Variants in VEZT observed in about 807,000 individuals in gnomAD.
VEZT encodes vezatin, adherens junctions transmembrane protein.
In VEZT, 39 loss-of-function variants were observed where a neutral mutation model predicts 79.9. That is an observed-to-expected ratio of 0.49 (90% confidence interval 0.38 to 0.64). The LOEUF is 0.64. Ranked by LOEUF, VEZT falls within the 30% of genes least tolerant of loss-of-function variation. VEZT has a pLI of 0.00. For synonymous variants in VEZT, 325 were observed against 327.6 expected (o/e 0.99, Z 0.09); for missense variants, 837 against 893.1 (o/e 0.94, Z 0.80).
intron 7 of VEZT, among the ~76,000 whole-genome samples, chr12:95,278,306 T>C (rs1484659126): frequency 6.6e-6 from 1 of 152,240 alleles, no homozygotes; most frequent in Non-Finnish European, 1.5e-5. Flanking sequence ...TATAGCTAGA[T>C]TCCTTTTGCT....
At chr12:95,220,813 T>G (rs1444124778) in intron 1 of VEZT, among the ~76,000 whole-genome samples, 1 of 152,244 alleles carries the variant, frequency 6.6e-6, no homozygotes, top group African/African-American at 2.4e-5. Flanking sequence ...GTGAACCTTT[T>G]TGTATGTGTT....
intron 9 of VEZT, among the ~76,000 whole-genome samples, chr12:95,290,090 C>CCA (rs1334039664): frequency 6.6e-6 from 1 of 152,052 alleles, no homozygotes; most frequent in African/African-American, 2.4e-5. Context: ...TCCACAGAAC[C>CCA]CATTCAAATT....
Position 95,274,762 on chromosome 12 carries a change from G to A in VEZT, c.869G>A (p.Ser290Asn), listed in dbSNP as rs1337214463. ...MLKNYPLNSESDNVTNYICVV... is the reference protein window; with the variant it reads ...MLKNYPLNSENDNVTNYICVV... Reference sequence around the variant, plus strand: ...TTAACCTACCCCCTGAACTCTGAGAGTGACAATGTAACCAACTACATCTGT... The same window carrying A: ...TTAACCTACCCCCTGAACTCTGAGAATGACAATGTAACCAACTACATCTGT... The change falls in exon 7 of 12, where the codon AGT (serine) becomes AAT (asparagine). Residue 290 changes from serine (S) to asparagine (N), a missense_variant. Ser to Asn is a conservative substitution (Grantham distance 46). Coordinates refer to ENST00000436874, the MANE Select transcript of VEZT (RefSeq NM_017599.4). 5 of 1,612,876 alleles carry A rather than the reference G, an allele frequency of 3.1e-6. No homozygotes were observed. In the African/African-American group the frequency reaches 6.7e-5, roughly 22 times the overall value.
At chr12:95,270,873 A>G (rs2066455661) in intron 6 of VEZT, among the ~76,000 whole-genome samples, 1 of 152,232 alleles carries the variant, frequency 6.6e-6, no homozygotes, top group African/African-American at 2.4e-5. Context: ...GGCATATAAG[A>G]GCTTTATTTT....
intron 3 of VEZT, among the ~76,000 whole-genome samples, chr12:95,258,702 A>G (rs2063861120): frequency 1.3e-5 from 2 of 152,174 alleles, no homozygotes; most frequent in South Asian, 4.1e-4. Context: ...AATCCTTTAT[A>G]GCAACCATGA....
At position 95,300,625 on chromosome 12, in the gene VEZT, G is replaced by A. The variant is rs781489330; in HGVS notation, c.2292G>A (p.Glu764=). Residue 764 remains glutamate (E), a synonymous_variant, in exon 12 of 12, where the codon GAG becomes GAA. Coordinates refer to ENST00000436874, the MANE Select transcript of VEZT (RefSeq NM_017599.4). The stretch of plus-strand genomic sequence containing the variant: ...AGGAACAGACTTTTGGTGGTGAGGA[G>A]GAAGAACAAATAATAGAAGAAAATA... ...TMQEQTFGGE[E]EEQIIEENKN... 1.9e-6 allele frequency: 3 copies of A among 1,601,366 alleles called. No homozygotes were observed. The Admixed American group carries it at 5.1e-5, about 27-fold the overall frequency.
chr12:95,299,431 T>C (rs1408403331), intron 11 of VEZT: 1 of 152,476 alleles, frequency 6.6e-6, no homozygotes, highest in Admixed American at 6.5e-5. Context: ...TATGAATATA[T>C]ATTATATTTA....
intron 1 of VEZT, among the ~76,000 whole-genome samples, chr12:95,239,948 AAGAGAGAGAGAGAGAGAG>A (rs140000740): frequency 1.4e-4 from 17 of 119,878 alleles, no homozygotes; most frequent in Admixed American, 1.0e-3. Context: ...GGAGACTCGA[AAGAGAGAGAGAGAGAGAG>A]AGAGAGAGAG....
rs951485189 is a variant in VEZT at position 95,287,741 on chromosome 12, C to G, written c.1406C>G (p.Pro469Arg). 6 of 1,602,308 alleles carry G rather than the reference C, an allele frequency of 3.7e-6. No individual in the cohort carries two copies. Among genetic ancestry groups the G allele is most frequent in the African/African-American group, 2.7e-5 (2 of 74,704 alleles). The change falls in exon 9 of 12, where the codon CCC becomes CGC. Residue 469 changes from proline (P) to arginine (R), a missense_variant. Transcript: ENST00000436874. ...ETQELVSEAY[P>R]ILEQKLKLIQ... The stretch of plus-strand genomic sequence containing the variant: ...CAAGAACTAGTGTCAGAGGCTTATC[C>G]CATCCTAGAACAGAAATTAAAGTTG...
intron 8 of VEZT, among the ~76,000 whole-genome samples, chr12:95,285,958 C>G (rs779686524): frequency 1.3e-4 from 19 of 148,126 alleles, no homozygotes; most frequent in Non-Finnish European, 2.5e-4. Context: ...AAATAAAAAA[C>G]CAAGACGCTC....
chr12:95,228,284 T>C (rs2058775734), intron 1 of VEZT, among the ~76,000 whole-genome samples: 1 of 152,210 alleles, frequency 6.6e-6, no homozygotes, highest in Non-Finnish European at 1.5e-5. Flanking sequence ...GAGATTCCCT[T>C]TTCTTTGTAT....
intron 1 of VEZT, among the ~76,000 whole-genome samples, chr12:95,251,259 C>T (rs1429672772): frequency 2.0e-5 from 3 of 152,204 alleles, no homozygotes; most frequent in Non-Finnish European, 2.9e-5. Flanking sequence ...GATCCACCCA[C>T]CTTGTCCTCC....
intron 2 of VEZT, among the ~76,000 whole-genome samples, chr12:95,255,146 G>A (rs1203223911): frequency 6.6e-6 from 1 of 151,876 alleles, no homozygotes; most frequent in Non-Finnish European, 1.5e-5. Flanking sequence ...GACTTCCTCA[G>A]ACACCCCCAA....
At chr12:95,236,489 G>C (rs148788766) in intron 1 of VEZT, among the ~76,000 whole-genome samples, 40 of 152,270 alleles carry the variant, frequency 2.6e-4, no homozygotes, top group African/African-American at 8.9e-4. Context: ...TTTAAGACTA[G>C]AGTACCATTG....
At chr12:95,289,187 G>A (rs939015656) in intron 9 of VEZT, among the ~76,000 whole-genome samples, 1 of 151,266 alleles carries the variant, frequency 6.6e-6, no homozygotes, top group Non-Finnish European at 1.5e-5. Flanking sequence ...GGAGGCTGAG[G>A]TGGGCAGATC....
rs565683075 is a variant in VEZT at position 95,296,283 on chromosome 12, G to A, written c.1831+25G>A. On this transcript the variant is annotated intron_variant, in intron 11 of 11. Coordinates refer to ENST00000436874, the MANE Select transcript of VEZT (RefSeq NM_017599.4). Reference sequence around the variant, plus strand: ...GGTAAGCACTGACTTTAAAGTAACAGGTTATTTCAATGTAGGGGATTCTTT... The same window carrying A: ...GGTAAGCACTGACTTTAAAGTAACAAGTTATTTCAATGTAGGGGATTCTTT... 103 of 1,540,444 alleles carry A rather than the reference G, an allele frequency of 6.7e-5. No homozygotes were observed. The East Asian group carries it at 2.4e-3, about 36-fold the overall frequency.
chr12:95,219,127 T>A (rs977838885), intron 1 of VEZT, among the ~76,000 whole-genome samples: 2 of 152,304 alleles, frequency 1.3e-5, no homozygotes, highest in East Asian at 3.9e-4. Flanking sequence ...CAGACACTTG[T>A]AAGTTAAAAT....
chr12:95,236,962 A>G (rs1053206712), intron 1 of VEZT, among the ~76,000 whole-genome samples: 6 of 152,232 alleles, frequency 3.9e-5, no homozygotes, highest in Non-Finnish European at 1.5e-5. Context: ...TGTAGATATT[A>G]TCAGGAGAAT....
At chr12:95,273,535 C>A (rs1251493954) in intron 6 of VEZT, among the ~76,000 whole-genome samples, 1 of 152,146 alleles carries the variant, frequency 6.6e-6, no homozygotes, top group Non-Finnish European at 1.5e-5. Flanking sequence ...CTTAATACCT[C>A]ATGAATTTTG....
Sources: allele counts gnomAD v4.1 joint callset (sites outside exome capture counted in the v4.1 genomes callset), GRCh38; gene constraint gnomAD v4.1.1; transcripts MANE v1.5; gene names NCBI Gene and HGNC (gene_info 2026-07-23, HGNC 2026-07-21).